Variants in PARD3B observed in about 807,000 individuals in gnomAD.
The protein encoded by PARD3B is par-3 family cell polarity regulator beta.
A neutral mutation model predicts 130.2 loss-of-function variants in PARD3B; 103 were observed. That is an observed-to-expected ratio of 0.79 (90% CI 0.67 to 0.93). The LOEUF (loss-of-function observed/expected upper bound fraction) is 0.93, where lower values mean the gene tolerates loss of function less well. Among genes scored for constraint, PARD3B ranks in the 40% least tolerant of loss-of-function variants. The probability of loss-of-function intolerance (pLI) is 0.00; values close to 1 mark genes in which losing one functional copy is unlikely to be tolerated. For synonymous variants in PARD3B, 583 were observed against 553.2 expected, an observed-to-expected ratio of 1.05 and a Z score of -0.76; for missense variants, 1,609 against 1,499.2, an observed-to-expected ratio of 1.07 and a Z score of -1.21.
intron 18 of PARD3B, among the ~76,000 whole-genome samples, chr2:205,331,336 G>T (rs1398817382): frequency 6.6e-6 from 1 of 151,460 alleles, no homozygotes; most frequent in African/African-American, 2.4e-5. Flanking sequence ...AGGTATCAAT[G>T]ATCCTAGTCT....
intron 4 of PARD3B, among the ~76,000 whole-genome samples, chr2:205,053,641 CAA>C (rs777534366): frequency 1.2e-4 from 14 of 115,034 alleles, no homozygotes; most frequent in Non-Finnish European, 1.1e-4. Flanking sequence ...AACTCCATCT[CAA>C]AAAAAAAAAA....
At chr2:205,492,019 C>T (rs1271665179) in intron 20 of PARD3B, among the ~76,000 whole-genome samples, 1 of 152,130 alleles carries the variant, frequency 6.6e-6, no homozygotes, top group African/African-American at 2.4e-5. Flanking sequence ...CTCTCTGGAC[C>T]AGTTTCTCAG....
chr2:205,279,067 T>C (rs1203691551), intron 16 of PARD3B, among the ~76,000 whole-genome samples: 2 of 13,556 alleles, frequency 1.5e-4, no homozygotes, highest in Non-Finnish European at 2.5e-4. Flanking sequence ...CAAGAATCTG[T>C]CTCAAAAAAA....
chr2:205,176,363 C>T lies in PARD3B; in HGVS notation c.1792-82C>T, dbSNP rs1400685708. The T allele has an allele frequency of 3.0e-6, 4 of 1,330,006 alleles. No homozygotes were observed. The highest frequency in any genetic ancestry group is 4.1e-6 in the Non-Finnish European group (4 of 975,438). The allele number at this position is 1,330,006 out of a possible 1,614,324, so 82.4% of individuals were successfully genotyped here. On this transcript the variant is annotated intron_variant, in intron 12 of 22. Transcript: ENST00000406610. The surrounding 1 kb of genome is among the most constrained non-coding windows in gnomAD (Gnocchi z 5.3). ...GACTCTTGAAAGACTATTCATACAG[C>T]GATCATTCTTTCACTTTGCTTCAAC... is the stretch of plus-strand genomic sequence containing the variant.
chr2:204,575,961 C>T (rs2032237484), intron 1 of PARD3B, among the ~76,000 whole-genome samples: 1 of 152,116 alleles, frequency 6.6e-6, no homozygotes, highest in African/African-American at 2.4e-5. Context: ...GCTTGTAGGT[C>T]CTGCCATGTT....
At chr2:205,604,436 T>C (rs2054908501) in intron 22 of PARD3B, among the ~76,000 whole-genome samples, 3 of 152,154 alleles carry the variant, frequency 2.0e-5, no homozygotes, top group Admixed American at 2.0e-4. Context: ...TTCACTATCA[T>C]GAGAACAGCA....
Position 205,104,852 on chromosome 2 carries a change from G to A in PARD3B, c.593+338G>A, listed in dbSNP as rs140009593. On this transcript the variant is annotated intron_variant, in intron 5 of 22. Coordinates refer to ENST00000406610, the MANE Select transcript of PARD3B (RefSeq NM_001302769.2). ...TTACTTTGACTTTAGCTCTTTGAAA[G>A]CACCAAATCCTAGCCACTAGACCAC... 2.0e-4 allele frequency among the ~76,000 whole-genome samples: 30 copies of A among 152,250 alleles called. 1 individual carries two copies. The East Asian group carries it at 5.8e-3, about 29-fold the overall frequency.
At chr2:204,640,961 A>G (rs2035056632) in intron 1 of PARD3B, among the ~76,000 whole-genome samples, 1 of 147,918 alleles carries the variant, frequency 6.8e-6, no homozygotes, top group Non-Finnish European at 1.5e-5. Context: ...TATTTACTGT[A>G]TATATAATAT....
intron 21 of PARD3B, among the ~76,000 whole-genome samples, chr2:205,532,258 A>G (rs2051631512): frequency 6.6e-6 from 1 of 152,142 alleles, no homozygotes; most frequent in Non-Finnish European, 1.5e-5. Context: ...CATATTTTAG[A>G]GGCTTTAAAA....
At chr2:205,041,295 AATAAT>A (rs1178559777) in intron 3 of PARD3B, among the ~76,000 whole-genome samples, 1 of 152,166 alleles carries the variant, frequency 6.6e-6, no homozygotes, top group African/African-American at 2.4e-5. Context: ...ATTAAAAGCA[AATAAT>A]TCTAACAGTC....
chr2:204,560,954 A>G (rs2031270564), intron 1 of PARD3B, among the ~76,000 whole-genome samples: 1 of 152,034 alleles, frequency 6.6e-6, no homozygotes, highest in Non-Finnish European at 1.5e-5. Flanking sequence ...CAGTGGGAAG[A>G]GAAGTGTAGG....
chr2:204,553,651 CATATATATATATATATATATATATATAT>C (rs55744172), intron 1 of PARD3B, among the ~76,000 whole-genome samples: 7 of 83,424 alleles, frequency 8.4e-5, no homozygotes, highest in African/African-American at 2.6e-4. Context: ...TATATATATC[CATATATATATATATATATATATATATAT>C]ATATATATAT....
chr2:204,667,207 A>C (rs1574650928), intron 1 of PARD3B, among the ~76,000 whole-genome samples: 1 of 152,150 alleles, frequency 6.6e-6, no homozygotes, highest in South Asian at 2.1e-4. Flanking sequence ...ACTAGGCTGG[A>C]ATCTTCATAA....
intron 2 of PARD3B, among the ~76,000 whole-genome samples, chr2:204,859,204 T>C (rs1365717370): frequency 6.6e-6 from 1 of 152,176 alleles, no homozygotes; most frequent in Non-Finnish European, 1.5e-5. Context: ...ATGATAGGTA[T>C]GATGAAATTT....
At chr2:205,231,284 G>T (rs1396523816) in intron 15 of PARD3B, among the ~76,000 whole-genome samples, 1 of 151,478 alleles carries the variant, frequency 6.6e-6, no homozygotes, top group Non-Finnish European at 1.5e-5. Flanking sequence ...TTAGAAGGCT[G>T]TAGTTATAAG....
chr2:204,608,373 T>C (rs935354136), intron 1 of PARD3B, among the ~76,000 whole-genome samples: 4 of 152,206 alleles, frequency 2.6e-5, no homozygotes, highest in African/African-American at 9.6e-5. Flanking sequence ...AAGAAATATC[T>C]GCCCTTTCCC....
intron 2 of PARD3B, among the ~76,000 whole-genome samples, chr2:204,927,784 T>C (rs1687732911): frequency 6.6e-6 from 1 of 152,044 alleles, no homozygotes; most frequent in Admixed American, 6.6e-5. Context: ...AGCTATGTGG[T>C]TGAAGTATTA....
chr2:204,987,378 A>AT (rs772578863), intron 3 of PARD3B, among the ~76,000 whole-genome samples: 5 of 152,216 alleles, frequency 3.3e-5, no homozygotes, highest in Non-Finnish European at 7.4e-5. Flanking sequence ...ATGCTTGTTG[A>AT]TTGATAAAAT....
chr2:204,927,305 G>T (rs1243164990), intron 2 of PARD3B, among the ~76,000 whole-genome samples: 4 of 152,042 alleles, frequency 2.6e-5, no homozygotes, highest in Non-Finnish European at 5.9e-5. Context: ...AAGCCCTCAT[G>T]AATAGGATTA....
Sources: allele counts gnomAD v4.1 joint callset (sites outside exome capture counted in the v4.1 genomes callset), GRCh38; gene constraint gnomAD v4.1.1; non-coding constraint Gnocchi (gnomAD v3.1); transcripts MANE v1.5; gene names NCBI Gene and HGNC (gene_info 2026-07-23, HGNC 2026-07-21).